CEP83: variants seen among roughly 807,000 people sequenced by gnomAD.
The protein encoded by CEP83 is centrosomal protein of 83 kDa.
Under a neutral mutation model 101.9 loss-of-function variants are expected in CEP83, and 70 were observed. The ratio of observed to expected loss-of-function variants is 0.69; its 90% confidence interval spans 0.57 to 0.84. CEP83 has a LOEUF of 0.84. Among genes scored for constraint, CEP83 ranks in the 40% least tolerant of loss-of-function variants. CEP83 has a pLI of 0.00. For missense variants in CEP83, 715 were observed against 787.2 expected, an observed-to-expected ratio of 0.91 and a Z score of 1.10; for synonymous variants, 264 against 267.9, an observed-to-expected ratio of 0.99 and a Z score of 0.14.
At position 94,381,802 on chromosome 12, in the gene CEP83, T is replaced by C. The variant is rs115860468; in HGVS notation, c.550-2760A>G. Among the ~76,000 whole-genome samples, 350 of 152,278 alleles carry C rather than the reference T, an allele frequency of 2.3e-3. 1 individual carries two copies. Among genetic ancestry groups the C allele is most frequent in the African/African-American group, 8.2e-3 (339 of 41,584 alleles). ...GTCTTTTCTTTCTTCAGTTACTTCT[T>C]TTAAAATTAAACTTTTTCAGATAAT... is the stretch of plus-strand genomic sequence containing the variant. On this transcript the variant is annotated intron_variant, in intron 6 of 16. Coordinates refer to ENST00000397809, the MANE Select transcript of CEP83 (RefSeq NM_016122.3).
At chr12:94,269,445 A>G in the CEP83 span, among the ~76,000 whole-genome samples, 2 of 152,320 alleles carry the variant, frequency 1.3e-5, no homozygotes, top group African/African-American at 4.8e-5. Flanking sequence ...GTTTAATAAA[A>G]TATCTCATAT....
chr12:94,343,793 G>A (rs1214830700), intron 11 of CEP83, among the ~76,000 whole-genome samples: 6 of 152,096 alleles, frequency 3.9e-5, no homozygotes, highest in Non-Finnish European at 8.8e-5. Flanking sequence ...GCGCCCAGCC[G>A]AAATTAACTT....
chr12:94,316,577 T>C (rs569113996), intron 14 of CEP83, among the ~76,000 whole-genome samples: 1 of 152,196 alleles, frequency 6.6e-6, no homozygotes, highest in South Asian at 2.1e-4. Context: ...CTTCCTCCCA[T>C]GCTCCAGTCT....
At chr12:94,344,950 G>A (rs1023819145) in intron 11 of CEP83, among the ~76,000 whole-genome samples, 2 of 152,184 alleles carry the variant, frequency 1.3e-5, no homozygotes, top group African/African-American at 4.8e-5. Context: ...AAAATGGTAT[G>A]ATACTGGTGT....
At chr12:94,343,086 T>C (rs904659403) in intron 11 of CEP83, among the ~76,000 whole-genome samples, 1 of 151,624 alleles carries the variant, frequency 6.6e-6, no homozygotes, top group African/African-American at 2.4e-5. Context: ...TGTGTATGTA[T>C]GTCTGTGTGT....
chr12:94,344,312 G>A (rs541337457), intron 11 of CEP83, among the ~76,000 whole-genome samples: 36 of 152,276 alleles, frequency 2.4e-4, no homozygotes, highest in Admixed American at 5.2e-4. Context: ...AAGCAGTGAT[G>A]AGAAGAAAAT....
At chr12:94,404,964 T>C (rs2063455158) in intron 4 of CEP83, among the ~76,000 whole-genome samples, 1 of 152,202 alleles carries the variant, frequency 6.6e-6, no homozygotes, top group Admixed American at 6.5e-5. Flanking sequence ...CTACCATATC[T>C]ATATTTTACG....
chr12:94,368,260 C>T, intron 9 of CEP83, 59 bp from the exon 10 acceptor site: 3 of 1,312,822 alleles, frequency 2.3e-6, no homozygotes, highest in Non-Finnish European at 3.2e-6. Flanking sequence ...TGAAAAATCA[C>T]ATTTAACAGC....
At chr12:94,356,125 G>A (rs2060461800) in intron 11 of CEP83, among the ~76,000 whole-genome samples, 1 of 152,168 alleles carries the variant, frequency 6.6e-6, no homozygotes, top group African/African-American at 2.4e-5. Flanking sequence ...TCGCCAGAGC[G>A]ACGGCTGGGA....
the CEP83 span, among the ~76,000 whole-genome samples, chr12:94,266,374 G>C: frequency 6.6e-6 from 1 of 152,204 alleles, no homozygotes; most frequent in South Asian, 2.1e-4. Context: ...TCAGCGTTCT[G>C]AATTGTATCA....
chr12:94,291,364 C>T, the CEP83 span, among the ~76,000 whole-genome samples: 1 of 152,168 alleles, frequency 6.6e-6, no homozygotes, highest in Admixed American at 6.5e-5. Context: ...GCTGGGACTA[C>T]AGGCGTGTGC....
At chr12:94,337,581 G>T (rs1388247390) in intron 11 of CEP83, among the ~76,000 whole-genome samples, 1 of 152,122 alleles carries the variant, frequency 6.6e-6, no homozygotes. Context: ...TTTTTATTAG[G>T]TTTTGAATAC....
chr12:94,420,281 T>G (rs1399627342), intron 2 of CEP83, among the ~76,000 whole-genome samples: 1 of 152,228 alleles, frequency 6.6e-6, no homozygotes, highest in Admixed American at 6.5e-5. Flanking sequence ...CTCCTGGGCA[T>G]ATATCCACTT....
intron 14 of CEP83, among the ~76,000 whole-genome samples, chr12:94,315,568 G>T (rs935701353): frequency 1.3e-5 from 2 of 152,006 alleles, no homozygotes; most frequent in Non-Finnish European, 2.9e-5. Context: ...TTAATAAAAA[G>T]ATTTTAATTT....
At chr12:94,380,512 TC>T (rs971978809) in intron 6 of CEP83, among the ~76,000 whole-genome samples, 2 of 152,198 alleles carry the variant, frequency 1.3e-5, no homozygotes, top group African/African-American at 4.8e-5. Context: ...CCTGGTTTGG[TC>T]CCGGATTACT....
At chr12:94,328,067 G>T (rs2059045514) in intron 14 of CEP83, 1 of 159,862 alleles carries the variant, frequency 6.3e-6, no homozygotes, top group Admixed American at 6.5e-5. Flanking sequence ...GCAACTTCAA[G>T]ACTATGATTC....
intron 12 of CEP83, 73 bp from the exon 13 acceptor site, chr12:94,333,712 T>C (rs779775394): frequency 6.0e-5 from 87 of 1,444,618 alleles, no homozygotes; most frequent in Non-Finnish European, 8.2e-5. Context: ...AAGCAGAAGA[T>C]ACTAAGCATC....
At position 94,379,012 on chromosome 12, in the gene CEP83, GTTC is replaced by G. The variant is rs369249734; in HGVS notation, c.577_579del (p.Glu193del). 15 of 1,611,064 alleles carry G rather than the reference GTTC, an allele frequency of 9.3e-6. No homozygotes were observed. The highest frequency in any genetic ancestry group is 2.2e-5 in the South Asian group (2 of 90,810). ...TCAACATTAAGCAGCTGGTTACGTAGTTCTTCTTTATCTTCCTCCAGTCTTGCA... is the reference window on the plus strand; with the variant it reads ...TCAACATTAAGCAGCTGGTTACGTAGTTCTTTATCTTCCTCCAGTCTTGCA... On this transcript the variant is annotated inframe_deletion, in exon 7 of 17. Transcript: ENST00000397809.
At chr12:94,344,692 A>C (rs1322685063) in intron 11 of CEP83, among the ~76,000 whole-genome samples, 3 of 152,196 alleles carry the variant, frequency 2.0e-5, no homozygotes, top group Non-Finnish European at 2.9e-5. Flanking sequence ...ATAAATGGAG[A>C]GATGTATGAT....
Sources: allele counts gnomAD v4.1 joint callset (sites outside exome capture counted in the v4.1 genomes callset), GRCh38; gene constraint gnomAD v4.1.1; transcripts MANE v1.5; gene names NCBI Gene and HGNC (gene_info 2026-07-23, HGNC 2026-07-21).